TOX: variants seen among roughly 807,000 people sequenced by gnomAD.
The protein encoded by TOX is thymocyte selection-associated high mobility group box protein TOX.
In TOX, 11 loss-of-function variants were observed where a neutral mutation model predicts 53.7. That is an observed-to-expected ratio of 0.20 (90% CI 0.13 to 0.34). The LOEUF is 0.34. TOX is among the 10% of genes least tolerant of loss of function. The pLI is 1.00. For missense variants in TOX, 570 were observed against 664.6 expected (o/e 0.86, Z 1.56); for synonymous variants, 225 against 245.3 (o/e 0.92, Z 0.77).
intron 1 of TOX, among the ~76,000 whole-genome samples, chr8:58,998,880 A>G (rs1024200753): frequency 6.6e-6 from 1 of 151,968 alleles, no homozygotes; most frequent in Admixed American, 6.6e-5. Flanking sequence ...GAGTTTCCTA[A>G]ACTCTCTGAA....
chr8:58,815,730 G>A lies in TOX; in HGVS notation c.1006-6C>T, dbSNP rs778343626. 6.3e-6 allele frequency: 10 copies of A among 1,598,570 alleles called. No individual in the cohort carries two copies. The African/African-American group carries it at 1.1e-4, about 17-fold the overall frequency. ...TCAACAGGTTCACTGTAGCTCTGTTGAGGAAATAAATGAGCAGAGTTGGGA... is the reference window on the plus strand; with the variant it reads ...TCAACAGGTTCACTGTAGCTCTGTTAAGGAAATAAATGAGCAGAGTTGGGA... On this transcript the variant is annotated splice_region_variant and splice_polypyrimidine_tract_variant and intron_variant, in intron 6 of 8. Coordinates refer to ENST00000361421, the MANE Select transcript of TOX (RefSeq NM_014729.3).
intron 4 of TOX, among the ~76,000 whole-genome samples, chr8:58,849,944 A>G (rs1385024556): frequency 6.6e-6 from 1 of 152,144 alleles, no homozygotes; most frequent in Non-Finnish European, 1.5e-5. Flanking sequence ...GTAATCTAAC[A>G]GCCAATGAGT....
chr8:58,877,366 A>G (rs1280010973), intron 3 of TOX, among the ~76,000 whole-genome samples: 2 of 152,246 alleles, frequency 1.3e-5, no homozygotes, highest in East Asian at 3.8e-4. Context: ...CGCATCAGAC[A>G]AGAAAATAAA....
intron 1 of TOX, among the ~76,000 whole-genome samples, chr8:58,961,116 A>G (rs1291540388): frequency 6.6e-6 from 1 of 152,212 alleles, no homozygotes; most frequent in Non-Finnish European, 1.5e-5. Context: ...CATAAAAAAT[A>G]TTGTACTATA....
intron 1 of TOX, among the ~76,000 whole-genome samples, chr8:59,038,729 G>C (rs1267754198): frequency 6.6e-6 from 1 of 152,172 alleles, no homozygotes; most frequent in Non-Finnish European, 1.5e-5. Flanking sequence ...CTTGGCTCTT[G>C]GGCTGGTGCA....
rs940656440 is a variant in TOX, at chr8:59,074,513, C to T, written c.102+44373G>A. 5.9e-5 allele frequency among the ~76,000 whole-genome samples: 9 copies of T among 152,092 alleles called. 1 individual carries two copies. The South Asian group carries it at 1.2e-3, about 21-fold the overall frequency. ...AAGCTGAAAAATATCTGGCCCCCGA[C>T]GGATGAATCTTATTATTGAGACATT... On this transcript the variant is annotated intron_variant, in intron 1 of 8. Coordinates refer to ENST00000361421, the MANE Select transcript of TOX (RefSeq NM_014729.3).
chr8:58,963,314 T>TATATATATAGATAG (rs71557744), intron 1 of TOX, among the ~76,000 whole-genome samples: 7 of 130,648 alleles, frequency 5.4e-5, no homozygotes, highest in East Asian at 2.1e-4. Flanking sequence ...TAGATATATA[T>TATATATATAGATAG]ATAGATAGAT....
chr8:58,927,047 C>CTTT (rs10715496), intron 3 of TOX, among the ~76,000 whole-genome samples: 17 of 145,146 alleles, frequency 1.2e-4, no homozygotes, highest in African/African-American at 4.3e-4. Context: ...ATTGTCACAC[C>CTTT]TTTTTTTTTT....
intron 1 of TOX, chr8:58,992,824 T>TA (rs953196816): frequency 1.3e-5 from 2 of 152,156 alleles, no homozygotes; most frequent in African/African-American, 4.8e-5. Context: ...AAGATGGAGA[T>TA]AAAAAAGGGG....
At chr8:58,880,158 C>T (rs748554643) in intron 3 of TOX, among the ~76,000 whole-genome samples, 4 of 152,082 alleles carry the variant, frequency 2.6e-5, no homozygotes, top group African/African-American at 7.2e-5. Context: ...ATACAAGAAG[C>T]CTTGAGGGTG....
Position 58,851,170 on chromosome 8 carries a change from C to G in TOX, c.693+354G>C, listed in dbSNP as rs999922627. ...CCTCTCTCTCTCTGTCTCTCTCTCT[C>G]TCTCTCTCTCTCTCTCACACACACA... On this transcript the variant is annotated intron_variant, in intron 4 of 8. Transcript: ENST00000361421. This position sits in a 1 kb window ranked among gnomAD's most constrained non-coding sequence, Gnocchi z 4.4. Among the ~76,000 whole-genome samples the G allele has an allele frequency of 3.6e-5, 5 of 138,264 alleles. No individual in the cohort carries two copies. In the East Asian group the frequency reaches 1.0e-3, roughly 28 times the overall value. 90.7% of individuals were successfully genotyped at this position (138,264 alleles called of 152,430 possible). A position where few individuals can be genotyped will look rare whatever the true frequency, so the allele number is the denominator to read the frequency against.
intron 3 of TOX, among the ~76,000 whole-genome samples, chr8:58,871,090 T>A (rs1811188429): frequency 6.9e-6 from 1 of 145,010 alleles, no homozygotes; most frequent in Non-Finnish European, 1.5e-5. Flanking sequence ...CATTATTCAG[T>A]GATAAAAAGA....
At chr8:59,032,986 A>G (rs1202098462) in intron 1 of TOX, among the ~76,000 whole-genome samples, 2 of 150,596 alleles carry the variant, frequency 1.3e-5, no homozygotes, top group Non-Finnish European at 2.9e-5. Flanking sequence ...GTGAGCCAAG[A>G]TTGTGCCATT....
At chr8:58,968,729 GAA>G (rs1812948192) in intron 1 of TOX, among the ~76,000 whole-genome samples, 1 of 152,108 alleles carries the variant, frequency 6.6e-6, no homozygotes, top group Non-Finnish European at 1.5e-5. Flanking sequence ...AAAAAAGTAA[GAA>G]TATTTTTCTA....
intron 1 of TOX, among the ~76,000 whole-genome samples, chr8:59,047,618 A>G (rs1488503718): frequency 2.0e-5 from 3 of 151,394 alleles, no homozygotes; most frequent in African/African-American, 7.3e-5. Flanking sequence ...GCTGGAGTTC[A>G]GTAGCTATTC....
intron 4 of TOX, among the ~76,000 whole-genome samples, chr8:58,843,105 G>A (rs181448346): frequency 6.6e-6 from 1 of 152,320 alleles, no homozygotes; most frequent in East Asian, 1.9e-4. Context: ...CTACCAGCCA[G>A]TCTTATAAGA....
intron 1 of TOX, among the ~76,000 whole-genome samples, chr8:58,997,458 C>G (rs1813581439): frequency 1.3e-5 from 2 of 152,174 alleles, no homozygotes; most frequent in Non-Finnish European, 2.9e-5. Flanking sequence ...CTTCTGAAAC[C>G]TTTTCCTAGG....
chr8:58,989,341 TA>T lies in TOX; in HGVS notation c.103-29334del, dbSNP rs141907280. Among the ~76,000 whole-genome samples, 518 of 151,910 alleles carry T rather than the reference TA, an allele frequency of 3.4e-3. 2 individuals are homozygous for T. Among genetic ancestry groups the T allele is most frequent in the African/African-American group, 0.012 (484 of 41,452 alleles). On this transcript the variant is annotated intron_variant, in intron 1 of 8. Transcript: ENST00000361421. ...AAAAAAAAAAAAACTTTAGAAAACA[TA>T]AACTCTTTTAGCTATGTTTAGTGCA...
At chr8:59,045,525 A>G (rs1238764641) in intron 1 of TOX, among the ~76,000 whole-genome samples, 1 of 152,216 alleles carries the variant, frequency 6.6e-6, no homozygotes, top group Non-Finnish European at 1.5e-5. Context: ...TTATTTGAAT[A>G]ATGGTACAGT....
Sources: allele counts gnomAD v4.1 joint callset (sites outside exome capture counted in the v4.1 genomes callset), GRCh38; gene constraint gnomAD v4.1.1; non-coding constraint Gnocchi (gnomAD v3.1); transcripts MANE v1.5; gene names NCBI Gene and HGNC (gene_info 2026-07-23, HGNC 2026-07-21).